RPP30: variants seen among roughly 807,000 people sequenced by gnomAD.
RPP30 encodes ribonuclease P/MRP subunit p30.
Under a neutral mutation model 38.6 loss-of-function variants are expected in RPP30, and 36 were observed. The ratio of observed to expected loss-of-function variants is 0.93; its 90% CI spans 0.71 to 1.23. The LOEUF is 1.23. Among genes scored for constraint, RPP30 ranks in the 50% most tolerant of loss-of-function variants. RPP30 has a pLI of 0.00. For missense variants in RPP30, 321 were observed against 321.7 expected (o/e 1.00, Z 0.02); for synonymous variants, 126 against 112.7 (o/e 1.12, Z -0.75).
chr10:90,873,312 ATG>A (rs2120176954), intron 1 of RPP30, among the ~76,000 whole-genome samples: 1 of 152,330 alleles, frequency 6.6e-6, no homozygotes, highest in South Asian at 2.1e-4. Context: ...GTGGTAATAT[ATG>A]TACATTGTTA....
In RPP30 at chr10:90,901,887, C is replaced by T. The variant is rs1320448523; in HGVS notation, c.*1208C>T. The T allele has an allele frequency of 3.2e-6, 2 of 616,860 alleles. No individual in the cohort carries two copies. Among genetic ancestry groups the T allele is most frequent in the East Asian group, 1.4e-4 (1 of 7,084 alleles). The allele number at this position is 616,860 out of a possible 1,614,324, so 38.2% of individuals were successfully genotyped here. On this transcript the variant is annotated 3_prime_UTR_variant, in exon 11 of 11. Coordinates refer to ENST00000371703, the MANE Select transcript of RPP30 (RefSeq NM_006413.5). ...AGGCTGGAGTGCAGTGGCTCGATCT[C>T]TGCTCACTGCAAGCTCCGCCTCCTG...
At chr10:90,873,094 T>G (rs1405597259) in intron 1 of RPP30, among the ~76,000 whole-genome samples, 1 of 152,198 alleles carries the variant, frequency 6.6e-6, no homozygotes, top group African/African-American at 2.4e-5. Flanking sequence ...TTTGAATAAA[T>G]CATGAGCTTC....
intron 5 of RPP30, 94 bp from the exon 6 acceptor site, chr10:90,885,718 G>A: frequency 1.3e-6 from 1 of 751,234 alleles, no homozygotes; most frequent in Non-Finnish European, 2.3e-6. Flanking sequence ...CACCTATGGA[G>A]TGAACCATAC....
chr10:90,891,190 C>T (rs1459489573), intron 6 of RPP30, among the ~76,000 whole-genome samples: 1 of 152,194 alleles, frequency 6.6e-6, no homozygotes, highest in Non-Finnish European at 1.5e-5. Context: ...TGGTCTTGTT[C>T]CCTCTGAAAT....
chr10:90,884,037 T>A (rs1427275566), intron 5 of RPP30, among the ~76,000 whole-genome samples: 3 of 152,166 alleles, frequency 2.0e-5, no homozygotes, highest in Non-Finnish European at 4.4e-5. Flanking sequence ...ATAATATCCA[T>A]TAGAGATGTA....
downstream of RPP30, among the ~76,000 whole-genome samples, chr10:90,902,706 T>C (rs1847217471): frequency 6.6e-6 from 1 of 152,236 alleles, no homozygotes; most frequent in African/African-American, 2.4e-5. Context: ...TATGCATACA[T>C]ATATATGTTC....
chr10:90,894,299 A>G (rs1589500755), intron 6 of RPP30, among the ~76,000 whole-genome samples: 1 of 152,322 alleles, frequency 6.6e-6, no homozygotes, highest in East Asian at 1.9e-4. Flanking sequence ...TAGAGAATAA[A>G]TTACTTACCT....
chr10:90,881,279 C>G (rs1846924431), intron 5 of RPP30, among the ~76,000 whole-genome samples: 1 of 152,182 alleles, frequency 6.6e-6, no homozygotes, highest in South Asian at 2.1e-4. Context: ...TATCCTCATT[C>G]TATAATGGAG....
chr10:90,892,837 C>G (rs1847098828), intron 6 of RPP30, among the ~76,000 whole-genome samples: 1 of 152,186 alleles, frequency 6.6e-6, no homozygotes, highest in East Asian at 1.9e-4. Context: ...GATGATGGAT[C>G]ATCTATAATG....
intron 1 of RPP30, among the ~76,000 whole-genome samples, chr10:90,874,657 A>T (rs575483747): frequency 1.3e-5 from 2 of 152,214 alleles, no homozygotes; most frequent in East Asian, 3.8e-4. Flanking sequence ...TATTTTCACC[A>T]TTTGACAGAT....
chr10:90,907,193 A>G (rs1847262848), downstream of RPP30, among the ~76,000 whole-genome samples: 1 of 152,222 alleles, frequency 6.6e-6, no homozygotes, highest in African/African-American at 2.4e-5. Context: ...CATGGTGGTA[A>G]CACGTTGAAG....
chr10:90,877,697 T>C (rs1846870622), intron 4 of RPP30, among the ~76,000 whole-genome samples: 1 of 152,008 alleles, frequency 6.6e-6, no homozygotes, highest in Non-Finnish European at 1.5e-5. Flanking sequence ...TCAATTGATA[T>C]AATAGGGATG....
chr10:90,894,077 C>G (rs1847112071), intron 6 of RPP30, among the ~76,000 whole-genome samples: 1 of 152,162 alleles, frequency 6.6e-6, no homozygotes, highest in Admixed American at 6.5e-5. Flanking sequence ...AAGGGCACTT[C>G]CATCTTTTTT....
chr10:90,892,758 A>G (rs1847097782), intron 6 of RPP30, among the ~76,000 whole-genome samples: 1 of 152,216 alleles, frequency 6.6e-6, no homozygotes, highest in African/African-American at 2.4e-5. Flanking sequence ...GATGGCTGAT[A>G]ATATGGCTAA....
chr10:90,882,537 C>T (rs1188744338), intron 5 of RPP30, among the ~76,000 whole-genome samples: 1 of 151,978 alleles, frequency 6.6e-6, no homozygotes, highest in Non-Finnish European at 1.5e-5. Context: ...GTGGCGGGCA[C>T]CTGTAGTCCC....
intron 5 of RPP30, 81 bp from the exon 6 acceptor site, chr10:90,885,731 T>G: frequency 1.2e-6 from 1 of 816,854 alleles, no homozygotes. Context: ...AACCATACTT[T>G]ATATCGAGTT....
intron 5 of RPP30, among the ~76,000 whole-genome samples, chr10:90,882,046 G>A (rs187071790): frequency 2.0e-5 from 3 of 152,254 alleles, no homozygotes; most frequent in African/African-American, 7.2e-5. Context: ...AGAGATTAAA[G>A]ATTTTGAGGG....
chr10:90,890,179 A>G (rs1429094230), intron 6 of RPP30, among the ~76,000 whole-genome samples: 3 of 152,216 alleles, frequency 2.0e-5, no homozygotes, highest in Non-Finnish European at 4.4e-5. Context: ...GTTATTTCCT[A>G]CTGGGAAATG....
rs1251783434 is a variant in RPP30 at position 90,900,793 on chromosome 10, A to G, written c.*114A>G. The G allele has an allele frequency of 4.2e-6, 6 of 1,435,948 alleles. No homozygotes were observed. In the African/African-American group the frequency reaches 4.3e-5, roughly 10 times the overall value. The allele number at this position is 1,435,948 out of a possible 1,614,324, so 89.0% of individuals were successfully genotyped here. A position where few individuals can be genotyped will look rare whatever the true frequency, so the allele number is the denominator to read the frequency against. Reference sequence around the variant, plus strand: ...TGTTTTCATTTGGAGCTAGAAATCAATAGTCTATAAAAACAGTTTTACTTG... The same window carrying G: ...TGTTTTCATTTGGAGCTAGAAATCAGTAGTCTATAAAAACAGTTTTACTTG... On this transcript the variant is annotated 3_prime_UTR_variant, in exon 11 of 11. Transcript: ENST00000371703.
Sources: gnomAD v4.1 joint callset for allele counts (sites outside exome capture counted in the v4.1 genomes callset) on GRCh38, gnomAD v4.1.1 for gene constraint, MANE v1.5 for transcripts, NCBI Gene and HGNC (gene_info 2026-07-23, HGNC 2026-07-21) for gene names.